The following EFCAB8 variants were observed in gnomAD, a reference collection of about 807,000 sequenced individuals.
EFCAB8 encodes the protein EF-hand calcium-binding domain-containing protein 8.
Under a neutral mutation model 116.3 loss-of-function variants are expected in EFCAB8, and 100 were observed. That is an observed-to-expected ratio of 0.86 (90% CI 0.73 to 1.02). The LOEUF (loss-of-function observed/expected upper bound fraction) is 1.02. Among genes scored for constraint, EFCAB8 ranks in the 50% least tolerant of loss-of-function variants. The pLI, the probability that EFCAB8 is intolerant of heterozygous loss-of-function variation, is 0.00. For synonymous variants in EFCAB8, 558 were observed against 567.9 expected (o/e 0.98, Z 0.25); for missense variants, 1,320 against 1,416.9 (o/e 0.93, Z 1.10).
intron 5 of EFCAB8, among the ~76,000 whole-genome samples, chr20:32,883,403 T>TG (rs1216585263): frequency 6.6e-6 from 1 of 152,176 alleles, no homozygotes; most frequent in Non-Finnish European, 1.5e-5. Context: ...GGCTATCCAG[T>TG]GGAGAATTTG....
intron 22 of EFCAB8, among the ~76,000 whole-genome samples, chr20:32,939,075 A>C (rs1600451889): frequency 3.4e-5 from 3 of 88,912 alleles, no homozygotes; most frequent in Admixed American, 1.4e-4. Flanking sequence ...CTCTCTCCCC[A>C]ACTTCTTTCT....
intron 17 of EFCAB8, among the ~76,000 whole-genome samples, chr20:32,914,632 T>C (rs1418689419): frequency 6.6e-6 from 1 of 152,138 alleles, no homozygotes; most frequent in Admixed American, 6.5e-5. Flanking sequence ...TCTTACATGG[T>C]GGCAGGAGAG....
intron 22 of EFCAB8, among the ~76,000 whole-genome samples, chr20:32,938,964 CTTTT>C (rs1988231369): frequency 8.2e-6 from 1 of 121,528 alleles, no homozygotes; most frequent in Admixed American, 8.1e-5. Flanking sequence ...TCCTTCCTTT[CTTTT>C]TCTTTCTTTT....
intron 11 of EFCAB8, among the ~76,000 whole-genome samples, chr20:32,902,918 C>T (rs1986497154): frequency 6.6e-6 from 1 of 152,182 alleles, no homozygotes; most frequent in Admixed American, 6.5e-5. Flanking sequence ...TGTGGACTGA[C>T]CCCCGGCGTC....
chr20:32,907,084 A>G (rs1329814152), intron 13 of EFCAB8, 90 bp downstream of exon 13: 1 of 1,439,232 alleles, frequency 6.9e-7, no homozygotes, highest in Non-Finnish European at 9.1e-7. Flanking sequence ...CCACGGCCCC[A>G]CATCTGGCCA....
intron 2 of EFCAB8, among the ~76,000 whole-genome samples, chr20:32,865,131 A>G (rs1163862998): frequency 6.6e-6 from 1 of 152,208 alleles, no homozygotes; most frequent in Non-Finnish European, 1.5e-5. Flanking sequence ...GTATGGACAG[A>G]CAAGCACACT....
At chr20:32,863,166 C>G (rs996525530) in intron 1 of EFCAB8, among the ~76,000 whole-genome samples, 1 of 152,152 alleles carries the variant, frequency 6.6e-6, no homozygotes, top group Non-Finnish European at 1.5e-5. Flanking sequence ...AGAGTGCCCT[C>G]TGGACTCTTG....
intron 20 of EFCAB8, among the ~76,000 whole-genome samples, chr20:32,923,539 T>TA (rs1314845168): frequency 1.3e-5 from 2 of 152,044 alleles, no homozygotes; most frequent in African/African-American, 4.8e-5. Context: ...TATACGAGTG[T>TA]ATAAAGTAAA....
chr20:32,892,250 C>T lies in EFCAB8; in HGVS notation c.711C>T (p.Ala237=), dbSNP rs1428969258. The change falls in exon 8 of 27, where the codon GCC becomes GCT. Residue 237 remains alanine (A), a synonymous_variant. Coordinates refer to ENST00000400522, the MANE Select transcript of EFCAB8 (RefSeq NM_001143967.2). ...FDISDHKCVR[A]FTFVDLDSCA... ...TTAGTGACCACAAATGTGTCCGGGC[C>T]TTCACCTTTGTTGATCTGGACAGCT... 1 of 1,551,596 alleles carries T rather than the reference C, an allele frequency of 6.4e-7. No individual in the cohort carries two copies.
intron 19 of EFCAB8, among the ~76,000 whole-genome samples, chr20:32,919,125 C>T (rs114242254): frequency 0.012 from 1,779 of 152,262 alleles, 38 homozygotes; most frequent in African/African-American, 0.041. Flanking sequence ...TTACTGTTTC[C>T]CTACTTGCAG....
In EFCAB8 at chr20:32,904,044, C is replaced by T. The variant is rs934416803; in HGVS notation, c.1089-2518C>T. ...GTTTTTTTTTTCTGAGGCAGGGTGTCGTTCTGTTGCCCAGGCTGGAGCTCA... is the reference window on the plus strand; with the variant it reads ...GTTTTTTTTTTCTGAGGCAGGGTGTTGTTCTGTTGCCCAGGCTGGAGCTCA... On this transcript the variant is annotated intron_variant, in intron 11 of 26. Coordinates refer to ENST00000400522, the MANE Select transcript of EFCAB8 (RefSeq NM_001143967.2). Among the ~76,000 whole-genome samples, 17 of 151,954 alleles carry T rather than the reference C, an allele frequency of 1.1e-4. 1 individual carries two copies. The East Asian group carries it at 1.2e-3, about 10-fold the overall frequency.
intron 5 of EFCAB8, among the ~76,000 whole-genome samples, chr20:32,882,302 G>A (rs552624478): frequency 1.3e-4 from 20 of 152,024 alleles, no homozygotes; most frequent in South Asian, 4.2e-4. Flanking sequence ...ACAGAATATC[G>A]TCCATTCACT....
intron 1 of EFCAB8, among the ~76,000 whole-genome samples, chr20:32,863,544 T>A (rs6141833): frequency 0.25 from 37,446 of 151,840 alleles, 6,010 homozygotes; most frequent in African/African-American, 0.46. Flanking sequence ...GCAGGACAAC[T>A]CCTCTCTATC....
At position 32,930,406 on chromosome 20, in the gene EFCAB8, C is replaced by T. The variant is rs1987849485; in HGVS notation, c.2421C>T (p.Phe807=). 1.9e-6 allele frequency: 3 copies of T among 1,550,444 alleles called. No homozygotes were observed. The highest frequency in any genetic ancestry group is 1.4e-5 in the African/African-American group (1 of 73,038). The change falls in exon 21 of 27, where the codon TTC becomes TTT. Residue 807 remains phenylalanine (F), a synonymous_variant. Coordinates refer to ENST00000400522, the MANE Select transcript of EFCAB8 (RefSeq NM_001143967.2). ...QSSASVEKII[F]LQTRPRLPHT... is the part of the protein sequence containing the mutation. The stretch of plus-strand genomic sequence containing the variant: ...CCTCCTCTCTTCCTCAGATAATCTT[C>T]CTGCAGACCAGGCCTCGCCTGCCGC...
intron 17 of EFCAB8, among the ~76,000 whole-genome samples, chr20:32,915,636 TC>T (rs1442981284): frequency 6.6e-6 from 1 of 152,108 alleles, no homozygotes; most frequent in Non-Finnish European, 1.5e-5. Context: ...GCAAGCTTTT[TC>T]TAGCATGGAC....
Position 32,934,728 on chromosome 20 carries a change from G to A in EFCAB8, c.2790+3392G>A, listed in dbSNP as rs868004480. Among the ~76,000 whole-genome samples the A allele has an allele frequency of 5.3e-5, 8 of 152,256 alleles. No homozygotes were observed. The Middle Eastern group carries it at 0.014, about 259-fold the overall frequency. On this transcript the variant is annotated intron_variant, in intron 22 of 26. Coordinates refer to ENST00000400522, the MANE Select transcript of EFCAB8 (RefSeq NM_001143967.2). The stretch of plus-strand genomic sequence containing the variant: ...AAGAGATATGATGGCTTTATAAAGG[G>A]CAGTTCCCCTGCTCATGCTCTCTTG...
chr20:32,914,321 G>T (rs1467866510), intron 17 of EFCAB8, among the ~76,000 whole-genome samples: 1 of 152,166 alleles, frequency 6.6e-6, no homozygotes, highest in Admixed American at 6.5e-5. Context: ...TGTACTCTGG[G>T]CTGGTGATGG....
rs910838877 is a variant in EFCAB8 at position 32,938,389 on chromosome 20, C to T, written c.2791-5247C>T. Among the ~76,000 whole-genome samples, 11 of 149,536 alleles carry T rather than the reference C, an allele frequency of 7.4e-5. 1 individual carries two copies. The highest frequency in any genetic ancestry group is 1.3e-4 in the Non-Finnish European group (9 of 67,330). On this transcript the variant is annotated intron_variant, in intron 22 of 26. Transcript: ENST00000400522. ...AATATTAAATACTTTCCTGTAAAATCAGAAATAAAACAAGAATGGTTACTC... is the reference window on the plus strand; with the variant it reads ...AATATTAAATACTTTCCTGTAAAATTAGAAATAAAACAAGAATGGTTACTC...
At chr20:32,926,877 A>C (rs957775462) in intron 20 of EFCAB8, among the ~76,000 whole-genome samples, 2 of 147,524 alleles carry the variant, frequency 1.4e-5, no homozygotes, top group African/African-American at 5.0e-5. Flanking sequence ...TCCATGGTGT[A>C]TATGTGCCAC....
Sources: allele counts gnomAD v4.1 joint callset (sites outside exome capture counted in the v4.1 genomes callset), GRCh38; gene constraint gnomAD v4.1.1; transcripts MANE v1.5; gene names NCBI Gene and HGNC (gene_info 2026-07-23, HGNC 2026-07-21).